Variants in EIF4G3 observed in about 807,000 individuals in gnomAD.
The protein encoded by EIF4G3 is eIF-4-gamma 3.
EIF4G3 carries 34 observed loss-of-function variants against 186.4 expected under a neutral mutation model. That is an observed-to-expected ratio of 0.18 (90% CI 0.14 to 0.24). The LOEUF is 0.24. EIF4G3 is among the 10% of genes least tolerant of loss of function. The pLI, the probability that EIF4G3 is intolerant of heterozygous loss-of-function variation, is 1.00. For synonymous variants in EIF4G3, 673 were observed against 679.5 expected, an observed-to-expected ratio of 0.99 and a Z score of 0.15; for missense variants, 1,536 against 1,948.5, an observed-to-expected ratio of 0.79 and a Z score of 3.99.
At chr1:20,965,314 G>A (rs530296492) in intron 12 of EIF4G3, among the ~76,000 whole-genome samples, 1 of 152,098 alleles carries the variant, frequency 6.6e-6, no homozygotes, top group Non-Finnish European at 1.5e-5. Flanking sequence ...TACAAAAGAC[G>A]TATTTTTAAA....
intron 2 of EIF4G3, among the ~76,000 whole-genome samples, chr1:21,101,563 A>AAAAAAAAAAAAACAAC (rs1415126020): frequency 7.7e-4 from 16 of 20,870 alleles, no homozygotes; most frequent in Admixed American, 2.1e-3. Flanking sequence ...GGGTCTCAGG[A>AAAAAAAAAAAAACAAC]AAAAAAAAAA....
chr1:21,111,388 A>C (rs1331099239), intron 2 of EIF4G3: 1 of 471,628 alleles, frequency 2.1e-6, no homozygotes, highest in South Asian at 1.5e-5. Context: ...GGATTGCTGG[A>C]AAGAATTAGC....
intron 19 of EIF4G3, among the ~76,000 whole-genome samples, chr1:20,883,181 C>G (rs1217303332): frequency 1.3e-5 from 2 of 151,788 alleles, no homozygotes; most frequent in South Asian, 4.2e-4. Flanking sequence ...TTATTGCCTT[C>G]TACAGAATCA....
rs770781651 is a variant in EIF4G3, at chr1:21,001,200, A to G, written c.143T>C (p.Ile48Thr). ...LAGRGWIKYCIFAAGPRPPHH... is the reference protein window; with the variant it reads ...LAGRGWIKYCTFAAGPRPPHH... ...AGTACAGTTTGTTATATTGCTTACA[A>G]TGCAGTATTTTATCCAGCCTCTTCC... Residue 48 changes from isoleucine (I) to threonine (T), a missense_variant and splice_region_variant, in exon 6 of 37, where the codon ATT becomes ACT. Coordinates refer to ENST00000602326, the MANE Select transcript of EIF4G3 (RefSeq NM_001391906.1). The G allele has an allele frequency of 8.5e-6, 4 of 471,472 alleles. No homozygotes were observed. The highest frequency in any genetic ancestry group is 1.8e-5 in the Non-Finnish European group (4 of 227,136). 29.2% of individuals were successfully genotyped at this position (471,472 alleles called of 1,614,324 possible). A position where few individuals can be genotyped will look rare whatever the true frequency, so the allele number is the denominator to read the frequency against.
At chr1:20,818,540 G>A (rs1238243872) in intron 33 of EIF4G3, among the ~76,000 whole-genome samples, 1 of 152,110 alleles carries the variant, frequency 6.6e-6, no homozygotes, top group African/African-American at 2.4e-5. Context: ...TACTCAGGAG[G>A]CTGAGATGGG....
At chr1:21,041,666 G>C (rs2093589079) in intron 4 of EIF4G3, among the ~76,000 whole-genome samples, 1 of 152,170 alleles carries the variant, frequency 6.6e-6, no homozygotes, top group Non-Finnish European at 1.5e-5. Context: ...ATGGAAATAT[G>C]TTTTACATGA....
chr1:20,902,880 A>T (rs1203380555), intron 15 of EIF4G3, among the ~76,000 whole-genome samples: 3 of 152,200 alleles, frequency 2.0e-5, no homozygotes, highest in Admixed American at 2.0e-4. Flanking sequence ...GCCTCAAGTG[A>T]TCCTCCTGCC....
At position 21,143,171 on chromosome 1, in the gene EIF4G3, C is replaced by A. The variant is rs1023060032; in HGVS notation, c.-272+33004G>T. ...GGTTGAGGCTGGAGAATAACTTGAA[C>A]CTGGGAGGCAGAGGTTGCAGTGAGC... On this transcript the variant is annotated intron_variant, in intron 2 of 36. Coordinates refer to ENST00000602326, the MANE Select transcript of EIF4G3 (RefSeq NM_001391906.1). 2.0e-5 allele frequency among the ~76,000 whole-genome samples: 3 copies of A among 151,974 alleles called. No individual in the cohort carries two copies. In the South Asian group the frequency reaches 6.2e-4, roughly 32 times the overall value.
chr1:20,928,915 A>G (rs1179307332), intron 14 of EIF4G3, among the ~76,000 whole-genome samples: 1 of 152,114 alleles, frequency 6.6e-6, no homozygotes, highest in Admixed American at 6.6e-5. Flanking sequence ...ACCCCTGGTG[A>G]GCACTAATTT....
intron 33 of EIF4G3, among the ~76,000 whole-genome samples, chr1:20,823,812 TCTA>T (rs1335096983): frequency 6.6e-6 from 1 of 152,254 alleles, no homozygotes; most frequent in African/African-American, 2.4e-5. Flanking sequence ...GGGGTCTAAA[TCTA>T]CTACTTATTG....
At position 20,899,747 on chromosome 1, in the gene EIF4G3, G is replaced by A. The variant is rs758643138; in HGVS notation, c.1949C>T (p.Ser650Leu). 9 of 1,614,148 alleles carry A rather than the reference G, an allele frequency of 5.6e-6. No homozygotes were observed. The highest frequency in any genetic ancestry group is 7.6e-6 in the Non-Finnish European group (9 of 1,179,998). Residue 650 changes from serine (S) to leucine (L), a missense_variant, in exon 16 of 37, where the codon TCA becomes TTA. Coordinates refer to ENST00000602326, the MANE Select transcript of EIF4G3 (RefSeq NM_001391906.1). ...ATCACCAGAACTATCTGTGGAGCCT[G>A]AATTAGCATCTATTCCTTCACCCTC... is the stretch of plus-strand genomic sequence containing the variant. ...VSEGEGIDANSGSTDSSGDGV... is the reference protein window; with the variant it reads ...VSEGEGIDANLGSTDSSGDGV...
chr1:20,975,247 A>G (rs1055509300), intron 10 of EIF4G3, among the ~76,000 whole-genome samples: 1 of 152,210 alleles, frequency 6.6e-6, no homozygotes, highest in South Asian at 2.1e-4. Context: ...TCACTGGCTC[A>G]GAAATTAACT....
chr1:20,958,004 A>G (rs2096479796), intron 12 of EIF4G3, among the ~76,000 whole-genome samples: 1 of 152,192 alleles, frequency 6.6e-6, no homozygotes, highest in African/African-American at 2.4e-5. Flanking sequence ...TACTGAAACT[A>G]TTCCAAGTGA....
intron 4 of EIF4G3, among the ~76,000 whole-genome samples, chr1:21,018,070 T>C (rs2089700933): frequency 6.6e-6 from 1 of 151,840 alleles, no homozygotes; most frequent in Non-Finnish European, 1.5e-5. Flanking sequence ...TCCCAAGTAG[T>C]TGTGACTACA....
chr1:20,996,159 C>T (rs1473394578), intron 7 of EIF4G3, among the ~76,000 whole-genome samples: 5 of 152,206 alleles, frequency 3.3e-5, no homozygotes, highest in South Asian at 2.1e-4. Context: ...CCAAACACCC[C>T]GCTAATCATT....
chr1:21,027,621 C>T (rs566057472), intron 4 of EIF4G3, among the ~76,000 whole-genome samples: 7 of 151,916 alleles, frequency 4.6e-5, no homozygotes, highest in Admixed American at 2.6e-4. Context: ...CACAGCAAGA[C>T]TCCATCTCAA....
intron 2 of EIF4G3, among the ~76,000 whole-genome samples, chr1:21,164,461 T>C (rs2097822094): frequency 6.6e-6 from 1 of 152,266 alleles, no homozygotes; most frequent in East Asian, 1.9e-4. Flanking sequence ...GCGGGGTGGC[T>C]GATGTCTGTA....
chr1:20,936,214 C>G (rs1016042557), intron 14 of EIF4G3, among the ~76,000 whole-genome samples: 7 of 152,110 alleles, frequency 4.6e-5, no homozygotes, highest in Admixed American at 4.6e-4. Flanking sequence ...GGGAGGGAAA[C>G]AAGAAAATAG....
chr1:21,096,274 G>A (rs1330350123), intron 2 of EIF4G3, among the ~76,000 whole-genome samples: 1 of 152,228 alleles, frequency 6.6e-6, no homozygotes, highest in East Asian at 1.9e-4. Context: ...ATGATCTTAT[G>A]TGAAACAACT....
Sources: allele counts gnomAD v4.1 joint callset (sites outside exome capture counted in the v4.1 genomes callset), GRCh38; gene constraint gnomAD v4.1.1; transcripts MANE v1.5; gene names NCBI Gene and HGNC (gene_info 2026-07-23, HGNC 2026-07-21).